Variants in ZNF248 observed in about 807,000 individuals in gnomAD.
The protein encoded by ZNF248 is zinc finger protein 248.
ZNF248 carries 20 observed loss-of-function variants against 44.3 expected under a neutral mutation model. That is an observed-to-expected ratio of 0.45 (90% CI 0.32 to 0.66). The LOEUF (loss-of-function observed/expected upper bound fraction) is 0.66, where lower values mean the gene tolerates loss of function less well. Among genes scored for constraint, ZNF248 ranks in the 30% least tolerant of loss-of-function variants. The pLI is 0.04. For synonymous variants in ZNF248, 224 were observed against 229.0 expected (o/e 0.98, Z 0.20); for missense variants, 654 against 677.0 (o/e 0.97, Z 0.38).
chr10:37,821,373 T>C (rs974989127), intron 6 of ZNF248, among the ~76,000 whole-genome samples: 2 of 152,152 alleles, frequency 1.3e-5, no homozygotes, highest in African/African-American at 4.8e-5. Context: ...CAGTCACATA[T>C]TTGTTAAGTG....
At chr10:37,766,065 C>T in the ZNF248 span, among the ~76,000 whole-genome samples, 14 of 152,236 alleles carry the variant, frequency 9.2e-5, no homozygotes, top group African/African-American at 3.1e-4. Context: ...GCGGGAGGGG[C>T]GCCTGCAATT....
At chr10:37,766,422 C>T in the ZNF248 span, among the ~76,000 whole-genome samples, 5 of 152,142 alleles carry the variant, frequency 3.3e-5, no homozygotes, top group South Asian at 2.1e-4. Flanking sequence ...TCCAGAGGAA[C>T]GATCAGGCAG....
At chr10:37,787,665 C>T (rs530155368) in intron 6 of ZNF248, among the ~76,000 whole-genome samples, 1 of 150,806 alleles carries the variant, frequency 6.6e-6, no homozygotes, top group Non-Finnish European at 1.5e-5. Context: ...AAAATAGTAA[C>T]TTAGACCTTT....
chr10:37,856,240 T>A, intron 3 of ZNF248, 56 bp downstream of exon 3: 1 of 1,589,514 alleles, frequency 6.3e-7, no homozygotes, highest in South Asian at 1.1e-5. Flanking sequence ...TAAACCCTTA[T>A]AAACTTCAGA....
At chr10:37,778,670 G>T (rs1023141961) in intron 6 of ZNF248, among the ~76,000 whole-genome samples, 1 of 152,018 alleles carries the variant, frequency 6.6e-6, no homozygotes, top group Non-Finnish European at 1.5e-5. Flanking sequence ...CAGGTCTAAC[G>T]TTTAAGTCTT....
At chr10:37,825,631 G>A (rs1461097118), downstream of ZNF248, among the ~76,000 whole-genome samples, 3 of 152,084 alleles carry the variant, frequency 2.0e-5, no homozygotes, top group African/African-American at 7.2e-5. Context: ...TGTAGAGACA[G>A]GGTTTCACCA....
chr10:37,788,489 C>T (rs1487682761), intron 6 of ZNF248, among the ~76,000 whole-genome samples: 1 of 150,946 alleles, frequency 6.6e-6, no homozygotes, highest in African/African-American at 2.4e-5. Flanking sequence ...GGCTTGGTGG[C>T]ATGTGCCTGT....
intron 6 of ZNF248, chr10:37,821,004 C>G: frequency 2.1e-6 from 3 of 1,456,190 alleles, no homozygotes; most frequent in Non-Finnish European, 2.9e-6. Context: ...AGAGCGTCTC[C>G]CGAGACTAAA....
the ZNF248 span, among the ~76,000 whole-genome samples, chr10:37,765,805 G>A: frequency 2.1e-4 from 32 of 152,342 alleles, no homozygotes; most frequent in African/African-American, 6.3e-4. Flanking sequence ...GAAGCAGGGC[G>A]AGGCATTGCC....
downstream of ZNF248, among the ~76,000 whole-genome samples, chr10:37,824,432 A>C (rs534900480): frequency 6.6e-6 from 1 of 152,294 alleles, no homozygotes; most frequent in East Asian, 1.9e-4. Flanking sequence ...GACATATAAA[A>C]TTAACCATCA....
intron 6 of ZNF248, among the ~76,000 whole-genome samples, chr10:37,790,900 A>G (rs2048444884): frequency 6.8e-6 from 1 of 147,890 alleles, no homozygotes; most frequent in Admixed American, 6.8e-5. Context: ...GGCCTGGGCA[A>G]GAGACTGAGA....
intron 6 of ZNF248, among the ~76,000 whole-genome samples, chr10:37,780,239 G>A (rs1025826764): frequency 6.6e-6 from 1 of 152,040 alleles, no homozygotes. Flanking sequence ...CAAAGCTGGA[G>A]GCATCACACT....
rs536570579 is a variant in ZNF248, at chr10:37,830,320, A to G, written c.*1295T>C. On this transcript the variant is annotated 3_prime_UTR_variant, in exon 6 of 6. Transcript: ENST00000395867. ...ACTTCTTTACTGAAGTGATAGTTCA[A>G]TAATGGCCATATTCATGCATATATG... 3.1e-5 allele frequency: 31 copies of G among 985,424 alleles called. 1 individual carries two copies. The African/African-American group carries it at 4.0e-4, about 13-fold the overall frequency. The allele number at this position is 985,424 out of a possible 1,614,324, so 61.0% of individuals were successfully genotyped here.
chr10:37,764,804 C>A, the ZNF248 span, among the ~76,000 whole-genome samples: 1 of 152,106 alleles, frequency 6.6e-6, no homozygotes, highest in African/African-American at 2.4e-5. Flanking sequence ...TTACTATATT[C>A]TCTATTTTAT....
the ZNF248 span, among the ~76,000 whole-genome samples, chr10:37,763,029 T>C: frequency 1.3e-5 from 2 of 152,338 alleles, no homozygotes; most frequent in Non-Finnish European, 2.9e-5. Context: ...TTTCCATTAA[T>C]ATATGCCAGG....
At chr10:37,786,996 T>C (rs2047947518) in intron 6 of ZNF248, among the ~76,000 whole-genome samples, 1 of 152,192 alleles carries the variant, frequency 6.6e-6, no homozygotes, top group Admixed American at 6.5e-5. Flanking sequence ...AAGTATACTA[T>C]AGGCCAGGCA....
At chr10:37,853,394 TC>T (rs1226216117) in intron 3 of ZNF248, among the ~76,000 whole-genome samples, 1 of 152,152 alleles carries the variant, frequency 6.6e-6, no homozygotes, top group Non-Finnish European at 1.5e-5. Flanking sequence ...TGTTTTCTTT[TC>T]GAGACGGAGT....
downstream of ZNF248, among the ~76,000 whole-genome samples, chr10:37,828,180 T>A (rs2054689238): frequency 6.6e-6 from 1 of 152,162 alleles, no homozygotes; most frequent in African/African-American, 2.4e-5. Flanking sequence ...ATTTGTTGGT[T>A]TACATGCATG....
At chr10:37,765,863 G>T in the ZNF248 span, among the ~76,000 whole-genome samples, 1 of 152,246 alleles carries the variant, frequency 6.6e-6, no homozygotes, top group African/African-American at 2.4e-5. Flanking sequence ...CCTAGTCAAA[G>T]AAAGGGGTGA....
Sources: allele counts gnomAD v4.1 joint callset (sites outside exome capture counted in the v4.1 genomes callset), GRCh38; gene constraint gnomAD v4.1.1; transcripts MANE v1.5; gene names NCBI Gene and HGNC (gene_info 2026-07-23, HGNC 2026-07-21).